The following ADGRA2 variants were observed in gnomAD, a reference collection of about 807,000 sequenced individuals.
ADGRA2 encodes adhesion G protein-coupled receptor A2.
In ADGRA2, 61 loss-of-function variants were observed where a neutral mutation model predicts 98.7. The observed-to-expected ratio is 0.62, with a 90% confidence interval of 0.50 to 0.76. The LOEUF is 0.76. ADGRA2 is among the 30% of genes least tolerant of loss of function. The pLI is 0.00. For synonymous variants in ADGRA2, 858 were observed against 831.5 expected (o/e 1.03, Z -0.55); for missense variants, 1,712 against 1,860.0 (o/e 0.92, Z 1.46).
At chr8:37,820,709 A>G (rs964372553) in intron 2 of ADGRA2, among the ~76,000 whole-genome samples, 5 of 152,244 alleles carry the variant, frequency 3.3e-5, no homozygotes, top group African/African-American at 1.2e-4. Flanking sequence ...ATGTGTTTGC[A>G]TGGCCTCCTT....
intron 17 of ADGRA2, 30 bp downstream of exon 17, chr8:37,840,296 T>G (rs1325834462): frequency 6.2e-7 from 1 of 1,607,224 alleles, no homozygotes. Flanking sequence ...GCTTTGCAAT[T>G]GGGGAGGGAC....
Position 37,814,332 on chromosome 8 carries a change from C to T in ADGRA2, c.267-564C>T, listed in dbSNP as rs142798914. ...GGCTTTCTGCCAAGGCTTCAGAAGGCTTAGGAGGCCAGGATGCGGCCACTG... is the reference window on the plus strand; with the variant it reads ...GGCTTTCTGCCAAGGCTTCAGAAGGTTTAGGAGGCCAGGATGCGGCCACTG... On this transcript the variant is annotated intron_variant, in intron 1 of 18. Transcript: ENST00000412232. The surrounding 1 kb of genome is among the most constrained non-coding windows in gnomAD (Gnocchi z 4.3). 6.6e-6 allele frequency among the ~76,000 whole-genome samples: 1 copy of T among 152,312 alleles called. No individual in the cohort carries two copies. Among genetic ancestry groups the T allele is most frequent in the Non-Finnish European group, 1.5e-5 (1 of 68,018 alleles).
chr8:37,815,343 C>T (rs1384927025), intron 2 of ADGRA2, among the ~76,000 whole-genome samples: 1 of 152,246 alleles, frequency 6.6e-6, no homozygotes, highest in Non-Finnish European at 1.5e-5. Flanking sequence ...GACTGCGGCC[C>T]TTTTCCGCCT....
intron 2 of ADGRA2, among the ~76,000 whole-genome samples, chr8:37,822,233 C>A (rs1257770946): frequency 2.0e-5 from 3 of 152,304 alleles, no homozygotes; most frequent in Non-Finnish European, 1.5e-5. Flanking sequence ...CCAGCCCCCA[C>A]TTTCTAGTGA....
intron 1 of ADGRA2, among the ~76,000 whole-genome samples, chr8:37,808,278 C>T (rs1337961859): frequency 6.6e-6 from 1 of 152,194 alleles, no homozygotes; most frequent in African/African-American, 2.4e-5. Flanking sequence ...AGATGCCTGG[C>T]CAGGCCAGCC....
At position 37,814,426 on chromosome 8, in the gene ADGRA2, C is replaced by T. The variant is rs968614651; in HGVS notation, c.267-470C>T. Among the ~76,000 whole-genome samples, 1 of 152,154 alleles carries T rather than the reference C, an allele frequency of 6.6e-6. No individual in the cohort carries two copies. Among genetic ancestry groups the T allele is most frequent in the Non-Finnish European group, 1.5e-5 (1 of 68,020 alleles). Reference sequence around the variant, plus strand: ...TCACAGGTGAGAGTGTGCGAGCCTCCGAGGAAGGGCAGCTCCCGCCTGCCT... The same window carrying T: ...TCACAGGTGAGAGTGTGCGAGCCTCTGAGGAAGGGCAGCTCCCGCCTGCCT... On this transcript the variant is annotated intron_variant, in intron 1 of 18. Transcript: ENST00000412232. This position sits in a 1 kb window ranked among gnomAD's most constrained non-coding sequence, Gnocchi z 4.3.
At chr8:37,821,648 C>T (rs1212384674) in intron 2 of ADGRA2, among the ~76,000 whole-genome samples, 3 of 152,184 alleles carry the variant, frequency 2.0e-5, no homozygotes, top group African/African-American at 7.2e-5. Flanking sequence ...AGCGAGACTG[C>T]GTGCCTGCCA....
chr8:37,817,708 C>CTAAATAAA (rs527817973), intron 2 of ADGRA2, among the ~76,000 whole-genome samples: 2 of 151,210 alleles, frequency 1.3e-5, no homozygotes, highest in East Asian at 1.9e-4. Flanking sequence ...CCCTGTCTCT[C>CTAAATAAA]TAAATAAATA....
rs958779449 is a variant in ADGRA2 at position 37,841,024 on chromosome 8, G to A, written c.2748-62G>A. 46 of 575,288 alleles carry A rather than the reference G, an allele frequency of 8.0e-5. No individual in the cohort carries two copies. Among genetic ancestry groups the A allele is most frequent in the Non-Finnish European group, 1.3e-4 (44 of 326,980 alleles). 35.6% of individuals were successfully genotyped at this position (575,288 alleles called of 1,614,324 possible). A position where few individuals can be genotyped will look rare whatever the true frequency, so the allele number is the denominator to read the frequency against. On this transcript the variant is annotated intron_variant, in intron 18 of 18. Transcript: ENST00000412232. This position sits in a 1 kb window ranked among gnomAD's most constrained non-coding sequence, Gnocchi z 5.0. ...CATATCCTGTCTCCCCAACCACCCC[G>A]GCCCCCAGCCCCACCCCAGCCATGC... is the stretch of plus-strand genomic sequence containing the variant.
intron 2 of ADGRA2, among the ~76,000 whole-genome samples, chr8:37,823,347 A>G (rs1805180328): frequency 6.6e-6 from 1 of 151,562 alleles, no homozygotes; most frequent in Non-Finnish European, 1.5e-5. Context: ...ACTTACAGGC[A>G]CGCACCACCA....
Position 37,814,782 on chromosome 8 carries a change from A to C in ADGRA2, c.267-114A>C. ...TAGAGGGTGGGGGCTGCTGCCTCGC[A>C]CAACTCCAGGGGGCGCCATTGACAA... On this transcript the variant is annotated intron_variant, in intron 1 of 18. Transcript: ENST00000412232. The surrounding 1 kb of genome is among the most constrained non-coding windows in gnomAD (Gnocchi z 4.3). 1 of 763,714 alleles carries C rather than the reference A, an allele frequency of 1.3e-6. No homozygotes were observed. The highest frequency in any genetic ancestry group is 2.3e-6 in the Non-Finnish European group (1 of 428,188). 47.3% of individuals were successfully genotyped at this position (763,714 alleles called of 1,614,324 possible). A position where few individuals can be genotyped will look rare whatever the true frequency, so the allele number is the denominator to read the frequency against.
At chr8:37,816,815 C>T (rs1483179815) in intron 2 of ADGRA2, among the ~76,000 whole-genome samples, 11 of 152,112 alleles carry the variant, frequency 7.2e-5, no homozygotes, top group African/African-American at 2.2e-4. Flanking sequence ...GCTCAGGAGG[C>T]TGAGGCAGGA....
chr8:37,819,064 G>A (rs1347224930), intron 2 of ADGRA2, among the ~76,000 whole-genome samples: 1 of 152,212 alleles, frequency 6.6e-6, no homozygotes, highest in Non-Finnish European at 1.5e-5. Flanking sequence ...TGATGCCGGG[G>A]TGGCTACTGG....
At chr8:37,811,168 G>GTGT (rs1554523205) in intron 1 of ADGRA2, among the ~76,000 whole-genome samples, 40 of 101,748 alleles carry the variant, frequency 3.9e-4, no homozygotes, top group African/African-American at 1.2e-3. Flanking sequence ...GTGTGTGTGT[G>GTGT]TTTTTTTTTT....
rs540184145 is a variant in ADGRA2, at chr8:37,802,757, T to A, written c.266+5223T>A. Among the ~76,000 whole-genome samples, 1 of 152,292 alleles carries A rather than the reference T, an allele frequency of 6.6e-6. No individual in the cohort carries two copies. The highest frequency in any genetic ancestry group is 2.4e-5 in the African/African-American group (1 of 41,564). On this transcript the variant is annotated intron_variant, in intron 1 of 18. Coordinates refer to ENST00000412232, the MANE Select transcript of ADGRA2 (RefSeq NM_032777.10). The surrounding 1 kb of genome is among the most constrained non-coding windows in gnomAD (Gnocchi z 4.7). ...CCCCTCCCCTGAGAGCTCCCTCTGC[T>A]GCAGGATGTTAGAGTCAGGGTCCCA...
In ADGRA2 at chr8:37,810,806, CAT is replaced by C. The variant is rs1362184719; in HGVS notation, c.267-4087_267-4086del. Among the ~76,000 whole-genome samples, 5 of 152,074 alleles carry C rather than the reference CAT, an allele frequency of 3.3e-5. No individual in the cohort carries two copies. In the East Asian group the frequency reaches 9.8e-4, roughly 30 times the overall value. ...GAGCCACTGCACCAGGCCTAAATAA[CAT>C]ATGTTCTCAAAATGAACTTTTAGGC... On this transcript the variant is annotated intron_variant, in intron 1 of 18. Transcript: ENST00000412232.
chr8:37,817,575 G>A (rs1563342482), intron 2 of ADGRA2, among the ~76,000 whole-genome samples: 2 of 152,056 alleles, frequency 1.3e-5, no homozygotes, highest in Admixed American at 6.6e-5. Flanking sequence ...CAGGCACAGT[G>A]GTATGCACCC....
Position 37,797,647 on chromosome 8 carries a change from C to G in ADGRA2, c.266+113C>G. The G allele has an allele frequency of 9.5e-7, 1 of 1,054,922 alleles. No individual in the cohort carries two copies. Among genetic ancestry groups the G allele is most frequent in the African/African-American group, 1.6e-5 (1 of 60,686 alleles). 65.3% of individuals were successfully genotyped at this position (1,054,922 alleles called of 1,614,324 possible). On this transcript the variant is annotated intron_variant, in intron 1 of 18. Transcript: ENST00000412232. The surrounding 1 kb of genome is among the most constrained non-coding windows in gnomAD (Gnocchi z 5.3). ...GGCTATCCCCCCACTTCAGAGATTT[C>G]TGGACAGGCCTGGGTTCAGGCCCCC...
Position 37,828,967 on chromosome 8 carries a change from G to A in ADGRA2, c.410+8G>A. 1 of 1,560,186 alleles carries A rather than the reference G, an allele frequency of 6.4e-7. No individual in the cohort carries two copies. ...GGGGGAGCTGAAGCGTTTGTGAGTGGCACGCCCTCCCCTGACCCCACCCCT... is the reference window on the plus strand; with the variant it reads ...GGGGGAGCTGAAGCGTTTGTGAGTGACACGCCCTCCCCTGACCCCACCCCT... On this transcript the variant is annotated splice_region_variant and intron_variant, in intron 3 of 18. Transcript: ENST00000412232.
Sources: allele counts gnomAD v4.1 joint callset (sites outside exome capture counted in the v4.1 genomes callset), GRCh38; gene constraint gnomAD v4.1.1; non-coding constraint Gnocchi (gnomAD v3.1); transcripts MANE v1.5; gene names NCBI Gene and HGNC (gene_info 2026-07-23, HGNC 2026-07-21).